NLGN1: variants seen among roughly 807,000 people sequenced by gnomAD.
NLGN1 encodes the protein neuroligin 1.
Under a neutral mutation model 65.5 loss-of-function variants are expected in NLGN1, and 12 were observed. That is an observed-to-expected ratio of 0.18 (90% CI 0.12 to 0.30). The LOEUF (loss-of-function observed/expected upper bound fraction) is 0.30, where lower values mean the gene tolerates loss of function less well. Among genes scored for constraint, NLGN1 ranks in the 10% least tolerant of loss-of-function variants. The pLI, the probability that NLGN1 is intolerant of heterozygous loss-of-function variation, is 1.00. For synonymous variants in NLGN1, 350 were observed against 359.5 expected, an observed-to-expected ratio of 0.97 and a Z score of 0.30; for missense variants, 750 against 1,007.1, an observed-to-expected ratio of 0.74 and a Z score of 3.46.
chr3:174,114,186 C>T (rs1715856048), intron 4 of NLGN1, among the ~76,000 whole-genome samples: 1 of 152,072 alleles, frequency 6.6e-6, no homozygotes, highest in Non-Finnish European at 1.5e-5. Flanking sequence ...CAGTGCCATG[C>T]CTGCACAGGC....
rs187399393 is a variant in NLGN1, at chr3:173,676,581, C to T, written c.493+71490C>T. 2.0e-3 allele frequency among the ~76,000 whole-genome samples: 303 copies of T among 151,878 alleles called. 1 individual carries two copies. Among genetic ancestry groups the T allele is most frequent in the African/African-American group, 6.8e-3 (282 of 41,410 alleles). Reference sequence around the variant, plus strand: ...TTTTTATGTATATACCTTTGATGTACTTTTTGTATAAATTCATAAATTGGA... The same window carrying T: ...TTTTTATGTATATACCTTTGATGTATTTTTTGTATAAATTCATAAATTGGA... On this transcript the variant is annotated intron_variant, in intron 3 of 6. Coordinates refer to ENST00000457714, the Ensembl canonical transcript of NLGN1.
chr3:174,108,142 G>C (rs1281959450), intron 4 of NLGN1, among the ~76,000 whole-genome samples: 1 of 151,874 alleles, frequency 6.6e-6, no homozygotes, highest in Admixed American at 6.6e-5. Flanking sequence ...TTAAAATTTT[G>C]ATAAATTCTA....
intron 4 of NLGN1, among the ~76,000 whole-genome samples, chr3:173,826,811 T>A (rs951512658): frequency 1.4e-4 from 21 of 152,112 alleles, no homozygotes; most frequent in African/African-American, 4.8e-5. Context: ...ATTGAACAAG[T>A]GTTTATTCAT....
chr3:173,730,329 C>G lies in NLGN1; in HGVS notation c.494-77351C>G, dbSNP rs928043418. ...ACACTACTGCCCCACCGCTCCCCCC[C>G]CCCCGCAAAAATAGAATGAAAGCTA... is the stretch of plus-strand genomic sequence containing the variant. On this transcript the variant is annotated intron_variant, in intron 3 of 6. Transcript: ENST00000457714. 1.3e-4 allele frequency among the ~76,000 whole-genome samples: 18 copies of G among 139,878 alleles called. 3 individuals are homozygous for G. Among genetic ancestry groups the G allele is most frequent in the Non-Finnish European group, 3.1e-5 (2 of 63,880 alleles). The allele number at this position is 139,878 out of a possible 152,430, so 91.8% of individuals were successfully genotyped here. A position where few individuals can be genotyped will look rare whatever the true frequency, so the allele number is the denominator to read the frequency against.
At chr3:173,825,425 T>C (rs1721146242) in intron 4 of NLGN1, among the ~76,000 whole-genome samples, 3 of 152,094 alleles carry the variant, frequency 2.0e-5, no homozygotes, top group African/African-American at 7.2e-5. Flanking sequence ...AATTTCAACA[T>C]TGATTTTGAT....
At chr3:173,748,817 T>C (rs184456512) in intron 3 of NLGN1, among the ~76,000 whole-genome samples, 134 of 152,214 alleles carry the variant, frequency 8.8e-4, no homozygotes, top group African/African-American at 3.1e-3. Flanking sequence ...AAGCCTACTG[T>C]TTGAGTAAGG....
chr3:173,737,622 T>C (rs1406816368), intron 3 of NLGN1, among the ~76,000 whole-genome samples: 5 of 152,124 alleles, frequency 3.3e-5, no homozygotes, highest in Non-Finnish European at 7.4e-5. Context: ...AATATTACAT[T>C]GTAGGGATAT....
At chr3:173,882,761 T>G (rs1733580225) in intron 4 of NLGN1, among the ~76,000 whole-genome samples, 1 of 152,266 alleles carries the variant, frequency 6.6e-6, no homozygotes, top group Non-Finnish European at 1.5e-5. Flanking sequence ...ATAATTTGTG[T>G]GCTTACTATA....
intron 3 of NLGN1, among the ~76,000 whole-genome samples, chr3:173,769,149 G>A (rs769557159): frequency 6.6e-6 from 1 of 152,090 alleles, no homozygotes; most frequent in Non-Finnish European, 1.5e-5. Flanking sequence ...GCATAGTTTT[G>A]GAGGCATTAA....
chr3:173,805,676 T>A (rs1716482579), intron 3 of NLGN1, among the ~76,000 whole-genome samples: 1 of 152,224 alleles, frequency 6.6e-6, no homozygotes, highest in Admixed American at 6.5e-5. Context: ...AGAAGAATTC[T>A]GAAACAGCCT....
downstream of NLGN1, among the ~76,000 whole-genome samples, chr3:174,290,085 T>C (rs181660766): frequency 6.6e-6 from 1 of 150,438 alleles, no homozygotes; most frequent in African/African-American, 2.4e-5. Flanking sequence ...AAGTTTCAAA[T>C]TTCTCCTTAA....
intron 3 of NLGN1, among the ~76,000 whole-genome samples, chr3:173,652,981 T>C: frequency 6.6e-6 from 1 of 152,166 alleles, no homozygotes; most frequent in Non-Finnish European, 1.5e-5. Context: ...AATATGCTGC[T>C]AGGTATTTTT....
intron 1 of NLGN1, among the ~76,000 whole-genome samples, chr3:173,434,722 A>G (rs1458340250): frequency 1.3e-5 from 2 of 152,226 alleles, no homozygotes; most frequent in Admixed American, 1.3e-4. Flanking sequence ...AAGGAGTTAT[A>G]AAGCCACTCT....
At chr3:173,428,318 G>T (rs1716526859) in intron 1 of NLGN1, among the ~76,000 whole-genome samples, 1 of 151,492 alleles carries the variant, frequency 6.6e-6, no homozygotes, top group Admixed American at 6.6e-5. Context: ...CTACCATTTT[G>T]TTTCTGATTT....
At chr3:174,217,039 A>G (rs1254407625) in intron 4 of NLGN1, among the ~76,000 whole-genome samples, 1 of 152,106 alleles carries the variant, frequency 6.6e-6, no homozygotes, top group Non-Finnish European at 1.5e-5. Context: ...TCATAGTTCT[A>G]GAAGTTAGAA....
intron 3 of NLGN1, among the ~76,000 whole-genome samples, chr3:173,772,449 C>A (rs1030661458): frequency 6.6e-6 from 1 of 152,004 alleles, no homozygotes; most frequent in Non-Finnish European, 1.5e-5. Context: ...GAAACCCCAC[C>A]TCTACTAAAA....
At position 173,599,774 on chromosome 3, in the gene NLGN1, G is replaced by A. The variant is rs548286340; in HGVS notation, c.-320-4505G>A. ...GGTTTCTGTATTTGCAAACTTGTCT[G>A]TTCACTAAAATGTATTTGTAATCCT... On this transcript the variant is annotated intron_variant, in intron 2 of 6. Transcript: ENST00000457714. Among the ~76,000 whole-genome samples, 4 of 152,166 alleles carry A rather than the reference G, an allele frequency of 2.6e-5. No homozygotes were observed. The East Asian group carries it at 7.7e-4, about 29-fold the overall frequency.
intron 3 of NLGN1, among the ~76,000 whole-genome samples, chr3:173,755,267 A>T (rs373765897): frequency 3.3e-5 from 5 of 152,102 alleles, no homozygotes; most frequent in African/African-American, 1.2e-4. Context: ...ATATTGATGT[A>T]TCTATTGCAT....
At chr3:174,008,949 T>C (rs186063288) in intron 4 of NLGN1, among the ~76,000 whole-genome samples, 67 of 152,312 alleles carry the variant, frequency 4.4e-4, no homozygotes, top group Admixed American at 3.3e-3. Flanking sequence ...GTGTTTGACA[T>C]GAAAGATACT....
Sources: gnomAD v4.1 joint callset for allele counts (sites outside exome capture counted in the v4.1 genomes callset) on GRCh38, gnomAD v4.1.1 for gene constraint, MANE v1.5 for transcripts, NCBI Gene and HGNC (gene_info 2026-07-23, HGNC 2026-07-21) for gene names.